The following HTT variants were observed in gnomAD, a reference collection of about 807,000 sequenced individuals.
HTT encodes the protein huntingtin, also known as huntington disease protein.
In HTT, 104 loss-of-function variants were observed where a neutral mutation model predicts 362.3. That is an observed-to-expected ratio of 0.29 (90% CI 0.24 to 0.34). HTT has a LOEUF of 0.34. HTT is among the 10% of genes least tolerant of loss of function. The pLI is 1.00. For synonymous variants in HTT, 1,577 were observed against 1,548.7 expected (o/e 1.02, Z -0.43); for missense variants, 3,301 against 3,928.6 (o/e 0.84, Z 4.27).
chr4:3,219,142 A>G (rs994673309), intron 52 of HTT, among the ~76,000 whole-genome samples: 6 of 152,210 alleles, frequency 3.9e-5, no homozygotes, highest in African/African-American at 1.4e-4. Context: ...TTTCCTGGGA[A>G]GAGAGCAGCA....
At chr4:3,230,963 T>G (rs1721219567) in intron 60 of HTT, among the ~76,000 whole-genome samples, 5 of 152,228 alleles carry the variant, frequency 3.3e-5, no homozygotes, top group Admixed American at 3.3e-4. Context: ...TTCTGGTTTA[T>G]CAGGATTCAG....
At chr4:3,109,500 C>T (rs370208146) in intron 6 of HTT, among the ~76,000 whole-genome samples, 2 of 152,156 alleles carry the variant, frequency 1.3e-5, no homozygotes, top group African/African-American at 2.4e-5. Context: ...GCTGGGATTA[C>T]AGGCGTGAGC....
chr4:3,143,506 T>C (rs1449885549), intron 23 of HTT, among the ~76,000 whole-genome samples: 1 of 151,702 alleles, frequency 6.6e-6, no homozygotes, highest in East Asian at 1.9e-4. Context: ...GTATCAGAAG[T>C]TTAAAATGTC....
chr4:3,074,817 G>A lies in HTT; in HGVS notation c.-9G>A, dbSNP rs1712379481. The A allele has an allele frequency of 1.3e-6, 2 of 1,513,254 alleles. No homozygotes were observed. The highest frequency in any genetic ancestry group is 2.7e-5 in the East Asian group (1 of 37,304). 93.7% of individuals were successfully genotyped at this position (1,513,254 alleles called of 1,614,324 possible). A position where few individuals can be genotyped will look rare whatever the true frequency, so the allele number is the denominator to read the frequency against. On this transcript the variant is annotated 5_prime_UTR_variant, in exon 1 of 67. Coordinates refer to ENST00000355072, the MANE Select transcript of HTT (RefSeq NM_001388492.1). ...CTCCGGGGACTGCCGTGCCGGGCGG[G>A]AGACCGCCATGGCGACCCTGGAAAA...
At position 3,223,576 on chromosome 4, in the gene HTT, C is replaced by CT. The variant is rs1184723748; in HGVS notation, c.7625+16_7625+17insT. 6.3e-7 allele frequency: 1 copy of CT among 1,593,918 alleles called. No individual in the cohort carries two copies. Among genetic ancestry groups the CT allele is most frequent in the Non-Finnish European group, 8.6e-7 (1 of 1,167,944 alleles). On this transcript the variant is annotated intron_variant, in intron 55 of 66. Transcript: ENST00000355072. ...TCGACACCAGGTTTGCTTGAGTTCC[C>CT]ACGTGTCTCTGGGACATAGCAGGTG...
At chr4:3,181,831 T>A (rs184936936) in intron 36 of HTT, among the ~76,000 whole-genome samples, 1 of 152,292 alleles carries the variant, frequency 6.6e-6, no homozygotes, top group East Asian at 1.9e-4. Context: ...AGCCACATGT[T>A]CAGTGAGCTC....
At position 3,222,372 on chromosome 4, in the gene HTT, C is replaced by A; in HGVS notation, c.7370-15C>A. ...GAAGGGTTGACACTCTCTCATGTAA[C>A]ATTTATATTTCTAGGCTGGACCAGT... On this transcript the variant is annotated splice_polypyrimidine_tract_variant and intron_variant, in intron 53 of 66. Transcript: ENST00000355072. 1 of 1,607,708 alleles carries A rather than the reference C, an allele frequency of 6.2e-7. No homozygotes were observed. Among genetic ancestry groups the A allele is most frequent in the Non-Finnish European group, 8.5e-7 (1 of 1,174,230 alleles).
rs767875953 is a variant in HTT, at chr4:3,142,881, C to T, written c.3061C>T (p.Leu1021Phe). 1 of 1,612,736 alleles carries T rather than the reference C, an allele frequency of 6.2e-7. No individual in the cohort carries two copies. Among genetic ancestry groups the T allele is most frequent in the African/African-American group, 1.3e-5 (1 of 74,996 alleles). Residue 1021 changes from leucine to phenylalanine, a missense_variant, in exon 23 of 67, where the codon CTC becomes TTC. Physicochemically the swap from Leu to Phe is conservative, Grantham distance 22. Around this residue, in one of 4 missense-constraint regions of HTT, gnomAD observed 2,316 missense variants for 2,658.5 expected, o/e 0.87. Transcript: ENST00000355072. Reference protein sequence around the residue: ...HELITSTTRALTFGCCEALCL... With the variant: ...HELITSTTRAFTFGCCEALCL... The stretch of plus-strand genomic sequence containing the variant: ...ACTAATCACATCAACCACCAGAGCA[C>T]TCACAGTAAGTCTCTTTCTTGATCG...
chr4:3,147,211 A>G lies in HTT; in HGVS notation c.3295+263A>G, dbSNP rs531080330. On this transcript the variant is annotated intron_variant, in intron 25 of 66. Transcript: ENST00000355072. ...GTAAACTCATTTTGAATTTCATTTT[A>G]ATGGGCACCATATGCCAGTACTCCC... is the stretch of plus-strand genomic sequence containing the variant. 7.2e-5 allele frequency among the ~76,000 whole-genome samples: 11 copies of G among 152,296 alleles called. No homozygotes were observed. The South Asian group carries it at 2.1e-3, about 29-fold the overall frequency.
At chr4:3,107,190 A>G in intron 5 of HTT, 95 bp from the exon 6 acceptor site, 1 of 1,306,174 alleles carries the variant, frequency 7.7e-7, no homozygotes, top group Non-Finnish European at 1.1e-6. Context: ...GACTGTTGGA[A>G]TATAAAACTG....
At chr4:3,169,576 AT>A (rs796658900) in intron 29 of HTT, among the ~76,000 whole-genome samples, 121 of 144,406 alleles carry the variant, frequency 8.4e-4, no homozygotes, top group Non-Finnish European at 6.4e-4. Flanking sequence ...TGTCCAGCGT[AT>A]TTTTTTTTTT....
At chr4:3,190,743 C>T (rs1718975944) in intron 40 of HTT, among the ~76,000 whole-genome samples, 1 of 152,072 alleles carries the variant, frequency 6.6e-6, no homozygotes, top group Non-Finnish European at 1.5e-5. Context: ...TCATAAGATG[C>T]CAGCTGTGCA....
Position 3,224,044 on chromosome 4 carries a change from G to T in HTT, c.7678G>T (p.Ala2560Ser). 1 of 1,613,998 alleles carries T rather than the reference G, an allele frequency of 6.2e-7. No homozygotes were observed. Among genetic ancestry groups the T allele is most frequent in the Non-Finnish European group, 8.5e-7 (1 of 1,179,826 alleles). The change falls in exon 56 of 67, where the codon GCA becomes TCA. Residue 2560 changes from alanine (A) to serine (S), a missense_variant. Around this residue, in one of 4 missense-constraint regions of HTT, gnomAD observed 753 missense variants for 1,021.3 expected, o/e 0.74. Coordinates refer to ENST00000355072, the MANE Select transcript of HTT (RefSeq NM_001388492.1). ...IRGIVEQEIQ[A>S]MVSKRENIAT... ...AGGGATTGTGGAGCAAGAGATTCAAGCAATGGTTTCAAAGAGAGAGAATAT... is the reference window on the plus strand; with the variant it reads ...AGGGATTGTGGAGCAAGAGATTCAATCAATGGTTTCAAAGAGAGAGAATAT...
chr4:3,213,754 C>CAG (rs1335956664), intron 49 of HTT, among the ~76,000 whole-genome samples: 1 of 152,146 alleles, frequency 6.6e-6, no homozygotes, highest in African/African-American at 2.4e-5. Flanking sequence ...GGCTTTGTGG[C>CAG]AGAGAGGGGA....
chr4:3,164,208 T>C (rs1166369510), intron 29 of HTT, among the ~76,000 whole-genome samples: 1 of 152,210 alleles, frequency 6.6e-6, no homozygotes, highest in Non-Finnish European at 1.5e-5. Flanking sequence ...AAGAGCAGGT[T>C]GTTCAGTTTC....
At chr4:3,180,364 T>C in intron 35 of HTT, 151 bp from the exon 36 acceptor site, 1 of 538,448 alleles carries the variant, frequency 1.9e-6, no homozygotes, top group South Asian at 4.6e-5. Context: ...CATGGTATAA[T>C]GATTGATAAC....
intron 33 of HTT, among the ~76,000 whole-genome samples, chr4:3,176,053 A>C (rs1718228246): frequency 7.5e-6 from 1 of 132,574 alleles, no homozygotes; most frequent in African/African-American, 3.1e-5. Context: ...TTTGAGATGG[A>C]GTCTCGCTCT....
chr4:3,221,276 A>C (rs1179240469), intron 53 of HTT, among the ~76,000 whole-genome samples: 1 of 152,184 alleles, frequency 6.6e-6, no homozygotes, highest in African/African-American at 2.4e-5. Flanking sequence ...GAGAGCCCTG[A>C]GCAGGTACCT....
At chr4:3,117,656 G>C (rs1715097079) in intron 8 of HTT, among the ~76,000 whole-genome samples, 1 of 152,074 alleles carries the variant, frequency 6.6e-6, no homozygotes, top group Non-Finnish European at 1.5e-5. Context: ...GGGAAACATG[G>C]CGAAACCCCA....
Sources: gnomAD v4.1 joint callset for allele counts (sites outside exome capture counted in the v4.1 genomes callset) on GRCh38, gnomAD v4.1.1 for gene constraint, gnomAD v4.1.1 regional missense constraint, MANE v1.5 for transcripts, NCBI Gene and HGNC (gene_info 2026-07-23, HGNC 2026-07-21) for gene names.